Variants in E2F2 observed in about 807,000 individuals in gnomAD.
E2F2 encodes the protein transcription factor E2F2.
Under a neutral mutation model 42.2 loss-of-function variants are expected in E2F2, and 22 were observed. That is an observed-to-expected ratio of 0.52 (90% CI 0.37 to 0.74). The LOEUF (loss-of-function observed/expected upper bound fraction) is 0.74. E2F2 is among the 30% of genes least tolerant of loss of function. The probability of loss-of-function intolerance (pLI) is 0.00; values close to 1 mark genes in which losing one functional copy is unlikely to be tolerated. For synonymous variants in E2F2, 248 were observed against 251.6 expected (o/e 0.99, Z 0.13); for missense variants, 481 against 557.8 (o/e 0.86, Z 1.39).
Position 23,521,793 on chromosome 1 carries a change from A to T in E2F2, c.578+44T>A, listed in dbSNP as rs781245513. Reference sequence around the variant, plus strand: ...TATTGCCTCTGGCTCCGCCCACAGCACAAGTACCCATTGGAGGGTACCACT... The same window carrying T: ...TATTGCCTCTGGCTCCGCCCACAGCTCAAGTACCCATTGGAGGGTACCACT... On this transcript the variant is annotated intron_variant, in intron 3 of 6. Transcript: ENST00000361729. 3.1e-6 allele frequency: 5 copies of T among 1,608,534 alleles called. No individual in the cohort carries two copies. The African/African-American group carries it at 6.7e-5, about 22-fold the overall frequency.
chr1:23,513,496 C>T (rs1159896232), intron 6 of E2F2, among the ~76,000 whole-genome samples: 1 of 151,646 alleles, frequency 6.6e-6, no homozygotes, highest in African/African-American at 2.4e-5. Context: ...GTAGTGGCTT[C>T]CTCTCTTACA....
intron 2 of E2F2, among the ~76,000 whole-genome samples, chr1:23,523,421 T>G (rs1469124055): frequency 6.6e-6 from 1 of 152,168 alleles, no homozygotes. Context: ...CCTCCCAAAG[T>G]GCTGGGATTA....
intron 2 of E2F2, among the ~76,000 whole-genome samples, chr1:23,524,117 A>T (rs1643207006): frequency 6.6e-6 from 1 of 150,400 alleles, no homozygotes. Context: ...AAAAAAACAC[A>T]GAAGTAATGC....
Position 23,519,102 on chromosome 1 carries a change from G to A in E2F2, c.766C>T (p.Arg256Cys), listed in dbSNP as rs767059371. The part of the protein sequence containing the change: ...RLAYVTYQDI[R>C]AVGNFKEQTV... ...TGCTCCTTAAAGTTGCCAACAGCAC[G>A]GATATCCTGGTAAGTCACATAGGCC... The change falls in exon 5 of 7, where the codon CGT becomes TGT. Residue 256 changes from arginine to cysteine, a missense_variant. Coordinates refer to ENST00000361729, the MANE Select transcript of E2F2 (RefSeq NM_004091.4). The A allele has an allele frequency of 1.5e-5, 25 of 1,613,878 alleles. No homozygotes were observed. Among genetic ancestry groups the A allele is most frequent in the Middle Eastern group, 1.7e-4 (1 of 6,060 alleles).
rs2075995 is a variant in E2F2, at chr1:23,520,972, C to A, written c.678G>T (p.Gln226His). The change falls in exon 4 of 7, where the codon CAG becomes CAT. Residue 226 changes from glutamine to histidine, a missense_variant. Coordinates refer to ENST00000361729, the MANE Select transcript of E2F2 (RefSeq NM_004091.4). ...AGCTCAGAGAGCAGCTCTGGATGAG[C>A]TGGTCCAAGGCCTGCTCCGTGTTCA... ...ELMNTEQALD[Q>H]LIQSCSLSFK... is the part of the protein sequence containing the mutation. The A allele has an allele frequency of 0.48, 766,491 of 1,611,746 alleles. 190,689 individuals are homozygous for A. Among genetic ancestry groups the A allele is most frequent in the East Asian group, 0.63 (28,243 of 44,570 alleles).
In E2F2 at chr1:23,519,011, C is replaced by T. The variant is rs1643083218; in HGVS notation, c.852+5G>A. ...CTGCTCTCCACCAAATATTTCCCCT[C>T]TCACCTCAGTCCTGTCGGGCACTTC... On this transcript the variant is annotated splice_donor_5th_base_variant and intron_variant, in intron 5 of 6. Transcript: ENST00000361729. 6 of 1,612,356 alleles carry T rather than the reference C, an allele frequency of 3.7e-6. No individual in the cohort carries two copies. Among genetic ancestry groups the T allele is most frequent in the East Asian group, 2.2e-5 (1 of 44,878 alleles).
intron 6 of E2F2, among the ~76,000 whole-genome samples, chr1:23,512,605 CAG>C (rs1642931877): frequency 6.6e-6 from 1 of 152,124 alleles, no homozygotes; most frequent in African/African-American, 2.4e-5. Context: ...TGTGGAAAAA[CAG>C]GGATGAGTAT....
Position 23,506,644 on chromosome 1 carries a change from G to A in E2F2, c.*3236C>T, listed in dbSNP as rs887527938. ...CACCCAGGAGCCAGCAGGCTGGCCA[G>A]GCGTGTGGCCACCATGGTCACTGAG... On this transcript the variant is annotated 3_prime_UTR_variant, in exon 7 of 7. Transcript: ENST00000361729. 1.3e-5 allele frequency: 2 copies of A among 152,248 alleles called. No individual in the cohort carries two copies. Among genetic ancestry groups the A allele is most frequent in the Admixed American group, 6.5e-5 (1 of 15,282 alleles). 9.4% of individuals were successfully genotyped at this position (152,248 alleles called of 1,614,324 possible).
In E2F2 at chr1:23,516,292, G is replaced by A. The variant is rs368713780; in HGVS notation, c.1045+43C>T. ...TGATATAGAAGAGAAAACTAAGGCCGGTCTCTCCCCCCACCTCCTGTCCCT... is the reference window on the plus strand; with the variant it reads ...TGATATAGAAGAGAAAACTAAGGCCAGTCTCTCCCCCCACCTCCTGTCCCT... On this transcript the variant is annotated intron_variant, in intron 6 of 6. Coordinates refer to ENST00000361729, the MANE Select transcript of E2F2 (RefSeq NM_004091.4). 7.7e-6 allele frequency: 11 copies of A among 1,428,532 alleles called. No homozygotes were observed. The Admixed American group carries it at 1.3e-4, about 17-fold the overall frequency. 88.5% of individuals were successfully genotyped at this position (1,428,532 alleles called of 1,614,324 possible).
chr1:23,513,173 T>C (rs1186660651), intron 6 of E2F2, among the ~76,000 whole-genome samples: 2 of 150,712 alleles, frequency 1.3e-5, no homozygotes, highest in Non-Finnish European at 2.9e-5. Flanking sequence ...CTATAACCCA[T>C]TCAATATTCA....
chr1:23,530,800 TA>T lies in E2F2; in HGVS notation c.-8del. 6.6e-7 allele frequency: 1 copy of T among 1,507,228 alleles called. No homozygotes were observed. Among genetic ancestry groups the T allele is most frequent in the Non-Finnish European group, 8.9e-7 (1 of 1,123,750 alleles). The allele number at this position is 1,507,228 out of a possible 1,614,324, so 93.4% of individuals were successfully genotyped here. On this transcript the variant is annotated 5_prime_UTR_variant, in exon 1 of 7. Coordinates refer to ENST00000361729, the MANE Select transcript of E2F2 (RefSeq NM_004091.4). This position sits in a 1 kb window ranked among gnomAD's most constrained non-coding sequence, Gnocchi z 4.4. The stretch of plus-strand genomic sequence containing the variant: ...CCCGGGGCCCTTGCAGCATAGCGAG[TA>T]AGGCGCCCCCTACCCAAAAGGGCTT...
Position 23,519,057 on chromosome 1 carries a change from C to T in E2F2, c.811G>A (p.Ala271Thr). Residue 271 changes from alanine to threonine, a missense_variant, in exon 5 of 7, where the codon GCC becomes ACC. Physicochemically the swap from Ala to Thr is moderately conservative, Grantham distance 58. Transcript: ENST00000361729. ...ACTTCCAGTCTCGTCTGCGGAGGGG[C>T]CTTGACGGCAATCACTGTCTGCTCC... Reference protein sequence around the residue: ...FKEQTVIAVKAPPQTRLEVPD... With the variant: ...FKEQTVIAVKTPPQTRLEVPD... 6.2e-7 allele frequency: 1 copy of T among 1,614,042 alleles called. No individual in the cohort carries two copies. The highest frequency in any genetic ancestry group is 8.5e-7 in the Non-Finnish European group (1 of 1,179,952).
chr1:23,524,190 GCTCT>G (rs1223234630), intron 2 of E2F2, among the ~76,000 whole-genome samples, 189 bp downstream of exon 2: 1 of 152,024 alleles, frequency 6.6e-6, no homozygotes, highest in Admixed American at 6.5e-5. Flanking sequence ...AGTCACTCAA[GCTCT>G]CTGAGTCTCA....
intron 1 of E2F2, among the ~76,000 whole-genome samples, chr1:23,527,998 A>G (rs1643278386): frequency 6.6e-6 from 1 of 152,150 alleles, no homozygotes; most frequent in Admixed American, 6.5e-5. Context: ...ACAAAAAGTA[A>G]TCCCAGCTAC....
At position 23,508,595 on chromosome 1, in the gene E2F2, G is replaced by A. The variant is rs1424661507; in HGVS notation, c.*1285C>T. 6.6e-6 allele frequency: 1 copy of A among 152,298 alleles called. No individual in the cohort carries two copies. Among genetic ancestry groups the A allele is most frequent in the Admixed American group, 6.5e-5 (1 of 15,290 alleles). The allele number at this position is 152,298 out of a possible 1,614,324, so 9.4% of individuals were successfully genotyped here. ...ACCCCCTCAGGACCCCAGGCCTGCAGAGGTAACATGAGTTCCTCTCCCCAT... is the reference window on the plus strand; with the variant it reads ...ACCCCCTCAGGACCCCAGGCCTGCAAAGGTAACATGAGTTCCTCTCCCCAT... On this transcript the variant is annotated 3_prime_UTR_variant, in exon 7 of 7. Transcript: ENST00000361729.
chr1:23,507,296 C>G lies in E2F2; in HGVS notation c.*2584G>C, dbSNP rs1393526354. 1 of 152,088 alleles carries G rather than the reference C, an allele frequency of 6.6e-6. No homozygotes were observed. Among genetic ancestry groups the G allele is most frequent in the Admixed American group, 6.6e-5 (1 of 15,250 alleles). 9.4% of individuals were successfully genotyped at this position (152,088 alleles called of 1,614,324 possible). ...ACTTTGGGAGGCCGAGGTGGTGGAT[C>G]ACTTGAGGTCAGGAGTTCAAGACCA... On this transcript the variant is annotated 3_prime_UTR_variant, in exon 7 of 7. Coordinates refer to ENST00000361729, the MANE Select transcript of E2F2 (RefSeq NM_004091.4).
intron 1 of E2F2, among the ~76,000 whole-genome samples, chr1:23,527,543 T>C (rs1401666002): frequency 6.6e-6 from 1 of 152,190 alleles, no homozygotes; most frequent in African/African-American, 2.4e-5. Flanking sequence ...ACAACCCCCT[T>C]ACGGGCACCA....
rs1412061768 is a variant in E2F2 at position 23,524,111 on chromosome 1, A to C, written c.358+272T>G. Among the ~76,000 whole-genome samples the C allele has an allele frequency of 2.5e-4, 38 of 150,172 alleles. 2 individuals are homozygous for C. Among genetic ancestry groups the C allele is most frequent in the South Asian group, 2.1e-4 (1 of 4,694 alleles). Reference sequence around the variant, plus strand: ...CAACAACAACAACAACAACAAAAAAAAACACAGAAGTAATGCAAGATTTAC... The same window carrying C: ...CAACAACAACAACAACAACAAAAAACAACACAGAAGTAATGCAAGATTTAC... On this transcript the variant is annotated intron_variant, in intron 2 of 6. Coordinates refer to ENST00000361729, the MANE Select transcript of E2F2 (RefSeq NM_004091.4).
At chr1:23,514,833 C>CAAAAAA (rs74604082) in intron 6 of E2F2, among the ~76,000 whole-genome samples, 2 of 46,738 alleles carry the variant, frequency 4.3e-5, no homozygotes, top group Non-Finnish European at 9.3e-5. Flanking sequence ...GAGACTGTCT[C>CAAAAAA]AAAAAAAAAA....
Sources: gnomAD v4.1 joint callset for allele counts (sites outside exome capture counted in the v4.1 genomes callset) on GRCh38, gnomAD v4.1.1 for gene constraint, Gnocchi (gnomAD v3.1) non-coding constraint, MANE v1.5 for transcripts, NCBI Gene and HGNC (gene_info 2026-07-23, HGNC 2026-07-21) for gene names.